Variants in CADM2 observed in about 807,000 individuals in gnomAD.
CADM2 encodes the protein immunoglobulin superfamily member 4D.
Under a neutral mutation model 49.8 loss-of-function variants are expected in CADM2, and 12 were observed. The observed-to-expected ratio is 0.24, with a 90% confidence interval of 0.15 to 0.39. The LOEUF is 0.39. Among genes scored for constraint, CADM2 ranks in the 10% least tolerant of loss-of-function variants. The pLI is 1.00. For synonymous variants in CADM2, 214 were observed against 175.4 expected, an observed-to-expected ratio of 1.22 and a Z score of -1.74; for missense variants, 378 against 492.3, an observed-to-expected ratio of 0.77 and a Z score of 2.20.
intron 1 of CADM2, among the ~76,000 whole-genome samples, chr3:85,483,282 T>G (rs533156699): frequency 6.6e-6 from 1 of 151,624 alleles, no homozygotes; most frequent in Non-Finnish European, 1.5e-5. Context: ...CTGGTAAGTT[T>G]TAAGATTTTG....
At chr3:85,347,223 CAAAAAAAAAAAAAA>C (rs11331703) in intron 1 of CADM2, among the ~76,000 whole-genome samples, 8 of 46,138 alleles carry the variant, frequency 1.7e-4, no homozygotes, top group Admixed American at 1.3e-3. Flanking sequence ...CTCTGTCTCA[CAAAAAAAAAAAAAA>C]AAAAAAAAAA....
chr3:85,557,799 G>A (rs2061998387), intron 1 of CADM2, among the ~76,000 whole-genome samples: 1 of 151,930 alleles, frequency 6.6e-6, no homozygotes. Flanking sequence ...CTATTTGTGA[G>A]TCCAGTTCTG....
At chr3:86,043,653 T>C (rs1736248592) in intron 8 of CADM2, among the ~76,000 whole-genome samples, 1 of 152,190 alleles carries the variant, frequency 6.6e-6, no homozygotes, top group African/African-American at 2.4e-5. Context: ...ATTTGTAGAT[T>C]CAATGCCATC....
intron 1 of CADM2, among the ~76,000 whole-genome samples, chr3:85,591,125 C>A (rs1319773926): frequency 6.6e-6 from 1 of 151,878 alleles, no homozygotes; most frequent in East Asian, 1.9e-4. Context: ...TTGTGAGAAC[C>A]TTGACACTAC....
Position 85,474,876 on chromosome 3 carries a change from G to T in CADM2, c.62-251646G>T, listed in dbSNP as rs76632945. Among the ~76,000 whole-genome samples the T allele has an allele frequency of 2.0e-5, 3 of 151,756 alleles. No individual in the cohort carries two copies. The East Asian group carries it at 5.8e-4, about 30-fold the overall frequency. On this transcript the variant is annotated intron_variant, in intron 1 of 9. Coordinates refer to ENST00000383699, the MANE Select transcript of CADM2 (RefSeq NM_001167675.2). Reference sequence around the variant, plus strand: ...GGCTGTAAATGGTCACCTCCTTCCTGGTCAATAAAGGTGCTCCATGTGTTG... The same window carrying T: ...GGCTGTAAATGGTCACCTCCTTCCTTGTCAATAAAGGTGCTCCATGTGTTG...
At chr3:85,210,442 G>A (rs1430456669) in intron 1 of CADM2, among the ~76,000 whole-genome samples, 1 of 152,010 alleles carries the variant, frequency 6.6e-6, no homozygotes, top group East Asian at 1.9e-4. Flanking sequence ...TTCATTTTTT[G>A]ATGTCTGTTT....
At chr3:85,072,562 G>A (rs1196863016) in intron 1 of CADM2, among the ~76,000 whole-genome samples, 8 of 152,062 alleles carry the variant, frequency 5.3e-5, no homozygotes, top group African/African-American at 1.7e-4. Context: ...TCATTTCATA[G>A]ATTATAGTTT....
intron 1 of CADM2, among the ~76,000 whole-genome samples, chr3:85,077,170 T>C (rs1196706450): frequency 1.3e-5 from 2 of 152,198 alleles, no homozygotes; most frequent in Non-Finnish European, 1.5e-5. Context: ...AAGTTATGTA[T>C]TGTATCTAGT....
rs1256452829 is a variant in CADM2 at position 85,685,161 on chromosome 3, AC to A, written c.62-41357del. On this transcript the variant is annotated intron_variant, in intron 1 of 9. Transcript: ENST00000383699. ...CAGGCGCCCACCTGGGACCAGCCAC[AC>A]CCCAGAACTACTGAAACAGAATCTG... 2.0e-5 allele frequency among the ~76,000 whole-genome samples: 3 copies of A among 152,216 alleles called. No homozygotes were observed. The East Asian group carries it at 5.8e-4, about 29-fold the overall frequency.
intron 8 of CADM2, among the ~76,000 whole-genome samples, chr3:86,010,870 A>C (rs1731421323): frequency 6.6e-6 from 1 of 151,788 alleles, no homozygotes; most frequent in African/African-American, 2.4e-5. Flanking sequence ...GATGAAATTA[A>C]AAGAATAGAA....
intron 1 of CADM2, among the ~76,000 whole-genome samples, chr3:85,286,510 T>G (rs2043636954): frequency 6.6e-6 from 1 of 152,140 alleles, no homozygotes; most frequent in Non-Finnish European, 1.5e-5. Context: ...TCAGCCCAAA[T>G]GTCTTAAATT....
At chr3:85,655,219 A>C (rs568264654) in intron 1 of CADM2, among the ~76,000 whole-genome samples, 151 of 150,688 alleles carry the variant, frequency 1.0e-3, no homozygotes, top group African/African-American at 3.5e-3. Flanking sequence ...CAGTGGTGTG[A>C]TCTCAGCTTA....
intron 1 of CADM2, among the ~76,000 whole-genome samples, chr3:85,293,100 G>C: frequency 6.6e-6 from 1 of 152,120 alleles, no homozygotes; most frequent in Admixed American, 6.5e-5. Flanking sequence ...AAATGATAAA[G>C]GGGATATCAT....
chr3:85,845,959 A>G (rs1248058189), intron 3 of CADM2, among the ~76,000 whole-genome samples: 1 of 152,058 alleles, frequency 6.6e-6, no homozygotes, highest in Non-Finnish European at 1.5e-5. Context: ...CTTAATGACT[A>G]TAGAGCTGGG....
rs576181866 is a variant in CADM2 at position 85,994,769 on chromosome 3, G to A, written c.970+33122G>A. On this transcript the variant is annotated intron_variant, in intron 8 of 9. Coordinates refer to ENST00000383699, the MANE Select transcript of CADM2 (RefSeq NM_001167675.2). ...GCTGGTCAGTAAATTAGTCAGAACA[G>A]ACACGTTTATCAATTGTGTTTGCCT... 2.6e-5 allele frequency: 4 copies of A among 152,278 alleles called. No homozygotes were observed. The South Asian group carries it at 8.3e-4, about 32-fold the overall frequency. 9.4% of individuals were successfully genotyped at this position (152,278 alleles called of 1,614,324 possible). A position where few individuals can be genotyped will look rare whatever the true frequency, so the allele number is the denominator to read the frequency against.
At chr3:85,676,973 G>T (rs2065902833) in intron 1 of CADM2, among the ~76,000 whole-genome samples, 1 of 152,020 alleles carries the variant, frequency 6.6e-6, no homozygotes, top group South Asian at 2.1e-4. Context: ...TTTCATATAG[G>T]TTTATAGAAC....
intron 1 of CADM2, among the ~76,000 whole-genome samples, chr3:85,007,373 A>C (rs2033782834): frequency 6.6e-6 from 1 of 152,176 alleles, no homozygotes; most frequent in African/African-American, 2.4e-5. Flanking sequence ...TTGTTGCATA[A>C]CAGACAATAT....
intron 1 of CADM2, among the ~76,000 whole-genome samples, chr3:85,038,821 A>G (rs912921570): frequency 6.6e-6 from 1 of 152,180 alleles, no homozygotes; most frequent in Non-Finnish European, 1.5e-5. Flanking sequence ...AGTTGACTAT[A>G]ATGCCAAGAT....
chr3:86,044,000 C>T (rs141343295), intron 8 of CADM2, among the ~76,000 whole-genome samples: 46,373 of 149,920 alleles, frequency 0.31, 8,403 homozygotes, highest in Admixed American at 0.39. Flanking sequence ...GGAAAACTGG[C>T]TAGCCATATG....
Sources: gnomAD v4.1 joint callset for allele counts (sites outside exome capture counted in the v4.1 genomes callset) on GRCh38, gnomAD v4.1.1 for gene constraint, MANE v1.5 for transcripts, NCBI Gene and HGNC (gene_info 2026-07-23, HGNC 2026-07-21) for gene names.